Variants in HEATR3 observed in about 807,000 individuals in gnomAD.
The protein encoded by HEATR3 is HEAT repeat-containing protein 3.
In HEATR3, 56 loss-of-function variants were observed where a neutral mutation model predicts 72.8. That is an observed-to-expected ratio of 0.77 (90% confidence interval 0.62 to 0.96). HEATR3 has a LOEUF of 0.96. HEATR3 is among the 40% of genes least tolerant of loss of function. The pLI is 0.00. For synonymous variants in HEATR3, 331 were observed against 318.1 expected, an observed-to-expected ratio of 1.04 and a Z score of -0.43; for missense variants, 747 against 831.4, an observed-to-expected ratio of 0.90 and a Z score of 1.25.
At position 50,105,200 on chromosome 16, in the gene HEATR3, C is replaced by G; in HGVS notation, c.*139C>G. 1 of 957,770 alleles carries G rather than the reference C, an allele frequency of 1.0e-6. No homozygotes were observed. Among genetic ancestry groups the G allele is most frequent in the South Asian group, 1.5e-5 (1 of 66,266 alleles). 59.3% of individuals were successfully genotyped at this position (957,770 alleles called of 1,614,324 possible). ...GTACATTCTGTAAAAACTTCAAAAC[C>G]TGGCCAGGCATGGTGGCTCACGCCT... On this transcript the variant is annotated 3_prime_UTR_variant, in exon 15 of 15. Transcript: ENST00000299192.
intron 7 of HEATR3, 110 bp downstream of exon 7, chr16:50,079,128 C>A: frequency 2.8e-6 from 3 of 1,071,856 alleles, no homozygotes; most frequent in Non-Finnish European, 2.7e-6. Flanking sequence ...CTATAAAGTG[C>A]GTTTTGGTAA....
At position 50,066,361 on chromosome 16, in the gene HEATR3, C is replaced by T. The variant is rs771031053; in HGVS notation, c.139-6C>T. On this transcript the variant is annotated splice_polypyrimidine_tract_variant and splice_region_variant and intron_variant, in intron 1 of 14. Transcript: ENST00000299192. ...GCCTTCTGACCCTTTTCGCTCTCAT[C>T]CGCAGCTCCAGCACCCGAGCGCCGA... is the stretch of plus-strand genomic sequence containing the variant. 2 of 1,554,960 alleles carry T rather than the reference C, an allele frequency of 1.3e-6. No homozygotes were observed. The highest frequency in any genetic ancestry group is 1.7e-6 in the Non-Finnish European group (2 of 1,160,998).
rs367892661 is a variant in HEATR3, at chr16:50,066,418, C to G, written c.190C>G (p.Arg64Gly). The G allele has an allele frequency of 1.3e-5, 19 of 1,513,702 alleles. No individual in the cohort carries two copies. The highest frequency in any genetic ancestry group is 1.7e-5 in the Non-Finnish European group (19 of 1,144,362). 93.8% of individuals were successfully genotyped at this position (1,513,702 alleles called of 1,614,324 possible). ...VRECACAGLA[R>G]LVQQRPALPG... ...CGAGTGCGCCTGCGCAGGGCTGGCC[C>G]GGCTGGTGCAGCAGCGGCCGGCACT... Residue 64 changes from arginine (R) to glycine (G), a missense_variant, in exon 2 of 15, where the codon CGG becomes GGG. Around this residue, in one of 2 missense-constraint regions of HEATR3, gnomAD observed 161 missense variants for 122.6 expected, o/e 1.31. Coordinates refer to ENST00000299192, the MANE Select transcript of HEATR3 (RefSeq NM_182922.4).
chr16:50,091,472 C>A (rs1477127), intron 11 of HEATR3, among the ~76,000 whole-genome samples: 151,772 of 152,162 alleles, frequency 1, 75,691 homozygotes, highest in South Asian at 1. Context: ...GTCTAAAAAA[C>A]ATAATAATAA....
At chr16:50,076,208 A>G (rs1440885467) in intron 6 of HEATR3, among the ~76,000 whole-genome samples, 1 of 147,014 alleles carries the variant, frequency 6.8e-6, no homozygotes, top group Non-Finnish European at 1.5e-5. Flanking sequence ...TTTATTTTTT[A>G]TTGTTTTGAG....
Position 50,105,170 on chromosome 16 carries a change from A to G in HEATR3, c.*109A>G. ...CTGAAAGTCATTTTTTAATGATTACATTCTGTACATTCTGTAAAAACTTCA... is the reference window on the plus strand; with the variant it reads ...CTGAAAGTCATTTTTTAATGATTACGTTCTGTACATTCTGTAAAAACTTCA... On this transcript the variant is annotated 3_prime_UTR_variant, in exon 15 of 15. Transcript: ENST00000299192. The G allele has an allele frequency of 8.4e-7, 1 of 1,186,282 alleles. No individual in the cohort carries two copies. Among genetic ancestry groups the G allele is most frequent in the Admixed American group, 2.5e-5 (1 of 39,386 alleles). 73.5% of individuals were successfully genotyped at this position (1,186,282 alleles called of 1,614,324 possible). A position where few individuals can be genotyped will look rare whatever the true frequency, so the allele number is the denominator to read the frequency against.
rs1257016496 is a variant in HEATR3 at position 50,066,347 on chromosome 16, C to T, written c.139-20C>T. 1.9e-6 allele frequency: 3 copies of T among 1,556,874 alleles called. No individual in the cohort carries two copies. In the East Asian group the frequency reaches 7.2e-5, roughly 38 times the overall value. Reference sequence around the variant, plus strand: ...CGTGCGCATTGCGCGCCTTCTGACCCTTTTCGCTCTCATCCGCAGCTCCAG... The same window carrying T: ...CGTGCGCATTGCGCGCCTTCTGACCTTTTTCGCTCTCATCCGCAGCTCCAG... On this transcript the variant is annotated intron_variant, in intron 1 of 14. Coordinates refer to ENST00000299192, the MANE Select transcript of HEATR3 (RefSeq NM_182922.4).
chr16:50,079,588 A>G (rs1238501114), intron 7 of HEATR3, among the ~76,000 whole-genome samples: 1 of 152,172 alleles, frequency 6.6e-6, no homozygotes, highest in Non-Finnish European at 1.5e-5. Flanking sequence ...TCTTGGGTGC[A>G]GGAAGCATTT....
intron 9 of HEATR3, 117 bp downstream of exon 9, chr16:50,084,408 C>T: frequency 2.3e-6 from 3 of 1,319,030 alleles, no homozygotes; most frequent in Non-Finnish European, 2.1e-6. Flanking sequence ...GTGGTAAGAT[C>T]TGAGACAAAG....
intron 12 of HEATR3, among the ~76,000 whole-genome samples, chr16:50,098,524 C>T (rs545437753): frequency 3.9e-5 from 6 of 152,036 alleles, no homozygotes; most frequent in Admixed American, 6.6e-5. Flanking sequence ...GGTGTGGTGG[C>T]GGGTGCCTGT....
intron 4 of HEATR3, among the ~76,000 whole-genome samples, chr16:50,071,480 A>G (rs1035192396): frequency 6.6e-6 from 1 of 152,236 alleles, no homozygotes; most frequent in Non-Finnish European, 1.5e-5. Flanking sequence ...TTGCATTTGG[A>G]AGTTTTTAAA....
intron 13 of HEATR3, 122 bp downstream of exon 13, chr16:50,100,495 A>G: frequency 1.1e-6 from 1 of 876,212 alleles, no homozygotes; most frequent in Non-Finnish European, 1.8e-6. Context: ...AAGTTGCTTT[A>G]TTGAGTCATA....
intron 6 of HEATR3, among the ~76,000 whole-genome samples, chr16:50,076,156 A>G (rs1198991703): frequency 1.3e-5 from 2 of 150,442 alleles, no homozygotes; most frequent in Non-Finnish European, 3.0e-5. Context: ...TCTTGCAGAG[A>G]TAATTTATGT....
chr16:50,090,351 T>A (rs1471330838), intron 11 of HEATR3, among the ~76,000 whole-genome samples: 2 of 151,868 alleles, frequency 1.3e-5, no homozygotes, highest in East Asian at 3.9e-4. Context: ...GAGACTCTTA[T>A]CTCAATTAAA....
At position 50,079,279 on chromosome 16, in the gene HEATR3, A is replaced by G. The variant is rs542255679; in HGVS notation, c.1041+261A>G. 5.3e-5 allele frequency among the ~76,000 whole-genome samples: 8 copies of G among 152,336 alleles called. No individual in the cohort carries two copies. The East Asian group carries it at 5.8e-4, about 11-fold the overall frequency. On this transcript the variant is annotated intron_variant, in intron 7 of 14. Coordinates refer to ENST00000299192, the MANE Select transcript of HEATR3 (RefSeq NM_182922.4). ...TGGGATAGACCTATCCTTTTGGAAC[A>G]CTTTAGAAATAGATGATCACCTTCG...
At chr16:50,082,298 A>T (rs139381088) in intron 7 of HEATR3, among the ~76,000 whole-genome samples, 21 of 152,176 alleles carry the variant, frequency 1.4e-4, no homozygotes, top group African/African-American at 5.1e-4. Context: ...AGCCGAGATC[A>T]TGCCACTGCA....
At chr16:50,094,829 A>T (rs989053816) in intron 12 of HEATR3, 36 bp downstream of exon 12, 27 of 1,352,528 alleles carry the variant, frequency 2.0e-5, no homozygotes, top group Non-Finnish European at 2.8e-5. Flanking sequence ...GAAACTTGTA[A>T]AGATTGTGTA....
rs1202717504 is a variant in HEATR3, at chr16:50,105,045, A to G, written c.2027A>G (p.Lys676Arg). The change falls in exon 15 of 15, where the codon AAA becomes AGA. Residue 676 changes from lysine (K) to arginine (R), a missense_variant. Physicochemically the swap from Lys to Arg is conservative, Grantham distance 26. This residue lies in a region of HEATR3 where 586 missense variants were observed against 708.8 expected (regional missense o/e 0.83). Transcript: ENST00000299192. ...RFIAYQETVE[K>R]RLTS ...ATTGCTTATCAAGAAACTGTTGAGA[A>G]AAGACTGACTTCTTAAACAATCCAA... The G allele has an allele frequency of 6.2e-7, 1 of 1,611,688 alleles. No homozygotes were observed. Among genetic ancestry groups the G allele is most frequent in the African/African-American group, 1.3e-5 (1 of 74,930 alleles).
chr16:50,097,369 A>T (rs1419396730), intron 12 of HEATR3, among the ~76,000 whole-genome samples: 2 of 114,188 alleles, frequency 1.8e-5, no homozygotes, highest in African/African-American at 6.9e-5. Flanking sequence ...CAGAATAGCT[A>T]TCCTAGCAAT....
Sources: allele counts gnomAD v4.1 joint callset (sites outside exome capture counted in the v4.1 genomes callset), GRCh38; gene constraint gnomAD v4.1.1; regional missense constraint gnomAD v4.1.1; transcripts MANE v1.5; gene names NCBI Gene and HGNC (gene_info 2026-07-23, HGNC 2026-07-21).